The following TENM4 variants were observed in gnomAD, a reference collection of about 807,000 sequenced individuals.
TENM4 encodes the protein teneurin-4.
TENM4 carries 82 observed loss-of-function variants against 243.3 expected under a neutral mutation model. The observed-to-expected ratio is 0.34, with a 90% CI of 0.28 to 0.40. The LOEUF (loss-of-function observed/expected upper bound fraction) is 0.40, where lower values mean the gene tolerates loss of function less well. TENM4 is among the 10% of genes least tolerant of loss of function. The pLI, the probability that TENM4 is intolerant of heterozygous loss-of-function variation, is 1.00. For synonymous variants in TENM4, 1,412 were observed against 1,456.3 expected (o/e 0.97, Z 0.69); for missense variants, 3,138 against 3,673.3 (o/e 0.85, Z 3.77).
In TENM4 at chr11:79,245,360, T is replaced by C. The variant is rs115903565; in HGVS notation, c.-264-29451A>G. ...AACTAGGACGTGGATCAGTGTGCAG[T>C]TGTCAATAGGGCATTAGCCAGCATC... is the stretch of plus-strand genomic sequence containing the variant. On this transcript the variant is annotated intron_variant, in intron 2 of 33. Coordinates refer to ENST00000278550, the MANE Select transcript of TENM4 (RefSeq NM_001098816.3). Among the ~76,000 whole-genome samples the C allele has an allele frequency of 2.7e-3, 417 of 152,306 alleles. 5 individuals carry two copies. The highest frequency in any genetic ancestry group is 9.7e-3 in the African/African-American group (405 of 41,564).
At chr11:78,999,167 A>G (rs1288860477) in intron 6 of TENM4, among the ~76,000 whole-genome samples, 3 of 152,190 alleles carry the variant, frequency 2.0e-5, no homozygotes, top group African/African-American at 7.2e-5. Context: ...ACCAGTGGTC[A>G]CACCGCGGGA....
rs1387263324 is a variant in TENM4, at chr11:79,064,950, G to A, written c.281C>T (p.Thr94Ile). 4 of 1,495,222 alleles carry A rather than the reference G, an allele frequency of 2.7e-6. No homozygotes were observed. Among genetic ancestry groups the A allele is most frequent in the Non-Finnish European group, 3.6e-6 (4 of 1,116,532 alleles). 92.6% of individuals were successfully genotyped at this position (1,495,222 alleles called of 1,614,324 possible). ...GLEEVTPPHG[T>I]LYRTDIGLPH... The stretch of plus-strand genomic sequence containing the variant: ...GAGGCCAATGTCTGTCCGGTACAGG[G>A]TCCCGTGAGGGGGCGTTACTTCTTC... Residue 94 changes from threonine to isoleucine, a missense_variant, in exon 6 of 34, where the codon ACC becomes ATC. Physicochemically the swap from Thr to Ile is moderately conservative, Grantham distance 89. Transcript: ENST00000278550.
chr11:79,246,823 G>T (rs1855524540), intron 2 of TENM4, among the ~76,000 whole-genome samples: 6 of 152,132 alleles, frequency 3.9e-5, no homozygotes, highest in African/African-American at 1.4e-4. Flanking sequence ...GAGGGAAGAG[G>T]GAGAGGGTTG....
At chr11:78,963,300 G>C (rs1857370894) in intron 6 of TENM4, among the ~76,000 whole-genome samples, 1 of 152,196 alleles carries the variant, frequency 6.6e-6, no homozygotes, top group Non-Finnish European at 1.5e-5. Flanking sequence ...TCTTCAGAAG[G>C]AGGAGGCGAT....
At chr11:78,833,708 C>T (rs1858032926) in intron 12 of TENM4, among the ~76,000 whole-genome samples, 1 of 152,192 alleles carries the variant, frequency 6.6e-6, no homozygotes, top group African/African-American at 2.4e-5. Context: ...ATCATGTCAG[C>T]AGAGTGCATT....
chr11:79,199,083 G>C (rs1156414074), intron 3 of TENM4, among the ~76,000 whole-genome samples: 1 of 152,130 alleles, frequency 6.6e-6, no homozygotes, highest in Non-Finnish European at 1.5e-5. Context: ...AATGAGTCAA[G>C]ATGTGAGTAG....
At chr11:79,003,732 A>G (rs1013504317) in intron 6 of TENM4, among the ~76,000 whole-genome samples, 1 of 152,190 alleles carries the variant, frequency 6.6e-6, no homozygotes, top group African/African-American at 2.4e-5. Context: ...CCAAAGGTCT[A>G]TGTACACACA....
At chr11:78,803,170 C>T (rs1360526418) in intron 15 of TENM4, among the ~76,000 whole-genome samples, 2 of 151,986 alleles carry the variant, frequency 1.3e-5, no homozygotes, top group Non-Finnish European at 2.9e-5. Flanking sequence ...GCTGGGATTA[C>T]AGATGCTTGT....
chr11:79,066,749 C>T (rs535854756), intron 5 of TENM4, among the ~76,000 whole-genome samples: 173 of 152,022 alleles, frequency 1.1e-3, no homozygotes, highest in Non-Finnish European at 1.6e-3. Context: ...CATGCACACA[C>T]GCACGCACAA....
At chr11:79,115,515 C>T (rs1301821111) in intron 4 of TENM4, among the ~76,000 whole-genome samples, 2 of 152,226 alleles carry the variant, frequency 1.3e-5, no homozygotes, top group African/African-American at 2.4e-5. Context: ...GCTCTACCCT[C>T]CCCTGAGTGA....
At chr11:78,912,400 G>A (rs554654774) in intron 6 of TENM4, among the ~76,000 whole-genome samples, 7 of 152,138 alleles carry the variant, frequency 4.6e-5, no homozygotes, top group East Asian at 1.9e-4. Flanking sequence ...GATTACAGCC[G>A]CACGCCACCA....
At chr11:78,723,953 CTAAT>C (rs1025948902) in intron 23 of TENM4, among the ~76,000 whole-genome samples, 34 of 152,270 alleles carry the variant, frequency 2.2e-4, no homozygotes, top group Middle Eastern at 6.8e-3. Context: ...AAGTACTCCA[CTAAT>C]TAATTAATTA....
chr11:79,067,512 A>C (rs4945321), intron 5 of TENM4, among the ~76,000 whole-genome samples: 91,176 of 152,066 alleles, frequency 0.6, 27,814 homozygotes, highest in African/African-American at 0.63. Context: ...ATTTATTTGC[A>C]ACAAACAGCC....
intron 29 of TENM4, among the ~76,000 whole-genome samples, chr11:78,685,000 T>G (rs1858630758): frequency 6.6e-6 from 1 of 152,008 alleles, no homozygotes; most frequent in Non-Finnish European, 1.5e-5. Context: ...GAATATTTTC[T>G]GCTAGAATGG....
chr11:78,658,084 T>C lies in TENM4; in HGVS notation c.8284A>G (p.Arg2762Gly). 1 of 1,613,418 alleles carries C rather than the reference T, an allele frequency of 6.2e-7. No homozygotes were observed. The highest frequency in any genetic ancestry group is 8.5e-7 in the Non-Finnish European group (1 of 1,179,592). The change falls in exon 34 of 34, where the codon AGA (arginine) becomes GGA (glycine). Residue 2762 changes from arginine to glycine, a missense_variant. Physicochemically the swap from Arg to Gly is moderately radical, Grantham distance 125. Around this residue, in one of 2 missense-constraint regions of TENM4, gnomAD observed 2,467 missense variants for 3,059.1 expected, o/e 0.81. Transcript: ENST00000278550. ...CACCTCCGGCCCATCTCGCTCTGTCTCATGAAGTGGATGTTGTTGGCGCTG... is the reference window on the plus strand; with the variant it reads ...CACCTCCGGCCCATCTCGCTCTGTCCCATGAAGTGGATGTTGTTGGCGCTG... ...SDSANNIHFMRQSEMGRR is the reference protein window; with the variant it reads ...SDSANNIHFMGQSEMGRR
Position 78,805,277 on chromosome 11 carries a change from T to TCCCCACCCACCACAACC in TENM4, c.2179+14_2179+15insGGTTGTGGTGGGTGGGG. On this transcript the variant is annotated intron_variant, in intron 15 of 33. Coordinates refer to ENST00000278550, the MANE Select transcript of TENM4 (RefSeq NM_001098816.3). ...CCCCTCCCTCTACCCATGCTTCTTC[T>TCCCCACCCACCACAACC]CCCCCTGCATTTACCGATAGAACAG... 7.1e-7 allele frequency: 1 copy of TCCCCACCCACCACAACC among 1,402,548 alleles called. No individual in the cohort carries two copies. Among genetic ancestry groups the TCCCCACCCACCACAACC allele is most frequent in the Non-Finnish European group, 9.7e-7 (1 of 1,033,114 alleles). The allele number at this position is 1,402,548 out of a possible 1,614,324, so 86.9% of individuals were successfully genotyped here. A position where few individuals can be genotyped will look rare whatever the true frequency, so the allele number is the denominator to read the frequency against.
chr11:79,248,063 C>T (rs988449190), intron 2 of TENM4, among the ~76,000 whole-genome samples: 1 of 152,142 alleles, frequency 6.6e-6, no homozygotes, highest in African/African-American at 2.4e-5. Context: ...GGTGGAAGAG[C>T]CCAAGATGAC....
At chr11:78,945,509 A>T (rs1856987907) in intron 6 of TENM4, among the ~76,000 whole-genome samples, 1 of 152,230 alleles carries the variant, frequency 6.6e-6, no homozygotes, top group Non-Finnish European at 1.5e-5. Flanking sequence ...TGATATTGAA[A>T]TTAGGCCAAT....
At chr11:79,386,809 T>C (rs1051519901) in intron 1 of TENM4, among the ~76,000 whole-genome samples, 2 of 151,918 alleles carry the variant, frequency 1.3e-5, no homozygotes, top group African/African-American at 2.4e-5. Flanking sequence ...AGCAAAAATA[T>C]CAGAACTCTC....
Sources: allele counts gnomAD v4.1 joint callset (sites outside exome capture counted in the v4.1 genomes callset), GRCh38; gene constraint gnomAD v4.1.1; regional missense constraint gnomAD v4.1.1; transcripts MANE v1.5; gene names NCBI Gene and HGNC (gene_info 2026-07-23, HGNC 2026-07-21).